CMTM8: variants seen among roughly 807,000 people sequenced by gnomAD.
CMTM8 encodes the protein CKLF like MARVEL transmembrane domain containing 8, also known as CKLF-like MARVEL transmembrane domain-containing protein 8.
Under a neutral mutation model 18.6 loss-of-function variants are expected in CMTM8, and 12 were observed. The observed-to-expected ratio is 0.65, with a 90% confidence interval of 0.41 to 1.05. CMTM8 has a LOEUF of 1.05. Among genes scored for constraint, CMTM8 ranks in the 50% least tolerant of loss-of-function variants. The pLI is 0.00. For synonymous variants in CMTM8, 87 were observed against 90.6 expected, an observed-to-expected ratio of 0.96 and a Z score of 0.23; for missense variants, 217 against 227.2, an observed-to-expected ratio of 0.95 and a Z score of 0.29.
At chr3:32,308,158 G>A (rs9847942) in intron 1 of CMTM8, among the ~76,000 whole-genome samples, 17,403 of 152,118 alleles carry the variant, frequency 0.11, 1,261 homozygotes, top group East Asian at 0.42. Context: ...CACCTCCTTC[G>A]CACTCTACCG....
chr3:32,272,450 G>T (rs143997216), intron 1 of CMTM8, among the ~76,000 whole-genome samples: 1 of 152,062 alleles, frequency 6.6e-6, no homozygotes, highest in Non-Finnish European at 1.5e-5. Context: ...CTAATTAAAT[G>T]TGTGTTAGAT....
intron 1 of CMTM8, among the ~76,000 whole-genome samples, chr3:32,313,641 C>G (rs1695865984): frequency 6.6e-6 from 1 of 152,106 alleles, no homozygotes; most frequent in South Asian, 2.1e-4. Context: ...GTTAAAAATG[C>G]AGACATCTGG....
intron 1 of CMTM8, among the ~76,000 whole-genome samples, chr3:32,276,074 T>C (rs1187509178): frequency 1.3e-5 from 2 of 152,110 alleles, no homozygotes; most frequent in Non-Finnish European, 2.9e-5. Flanking sequence ...CAGTGGTGGG[T>C]TGGTTTTAGA....
At position 32,320,443 on chromosome 3, in the gene CMTM8, T is replaced by A. The variant is rs548101838; in HGVS notation, c.148-36930T>A. On this transcript the variant is annotated intron_variant, in intron 1 of 3. Transcript: ENST00000307526. ...AGGATAGGCAAACCCATAGAGACCA[T>A]AGATGAGTGGTTACCTTGGCCTGAG... Among the ~76,000 whole-genome samples, 30 of 152,122 alleles carry A rather than the reference T, an allele frequency of 2.0e-4. No individual in the cohort carries two copies. In the South Asian group the frequency reaches 5.8e-3, roughly 29 times the overall value.
At chr3:32,286,050 G>A (rs768144791) in intron 1 of CMTM8, among the ~76,000 whole-genome samples, 6 of 152,132 alleles carry the variant, frequency 3.9e-5, no homozygotes, top group Non-Finnish European at 8.8e-5. Context: ...AAAGCTCAGG[G>A]CCTTCTGCAA....
At chr3:32,284,368 T>G (rs1702647501) in intron 1 of CMTM8, among the ~76,000 whole-genome samples, 1 of 152,006 alleles carries the variant, frequency 6.6e-6, no homozygotes, top group Non-Finnish European at 1.5e-5. Flanking sequence ...GTCTTGAGAG[T>G]TAAGTCGGGA....
intron 1 of CMTM8, among the ~76,000 whole-genome samples, chr3:32,333,562 G>C (rs539528223): frequency 6.8e-6 from 1 of 146,994 alleles, no homozygotes; most frequent in Non-Finnish European, 1.5e-5. Flanking sequence ...TCTAAAGACC[G>C]AACCATTTCG....
chr3:32,259,680 T>C lies in CMTM8; in HGVS notation c.147+20561T>C, dbSNP rs1702228662. ...CCCAAATCTCAGGACCTTGCCAAGATCATGGCAGACATCCAGGCCCAATAT... is the reference window on the plus strand; with the variant it reads ...CCCAAATCTCAGGACCTTGCCAAGACCATGGCAGACATCCAGGCCCAATAT... On this transcript the variant is annotated intron_variant, in intron 1 of 3. Coordinates refer to ENST00000307526, the MANE Select transcript of CMTM8 (RefSeq NM_178868.5). 6.5e-6 allele frequency: 8 copies of C among 1,221,926 alleles called. No individual in the cohort carries two copies. In the South Asian group the frequency reaches 8.4e-5, roughly 13 times the overall value. The allele number at this position is 1,221,926 out of a possible 1,614,324, so 75.7% of individuals were successfully genotyped here.
chr3:32,242,860 ATT>A (rs199567040), intron 1 of CMTM8, among the ~76,000 whole-genome samples: 20 of 145,010 alleles, frequency 1.4e-4, no homozygotes, highest in South Asian at 2.2e-4. Flanking sequence ...ACAAAATACA[ATT>A]TTTTTTTTTT....
At chr3:32,308,099 T>G (rs1009706671) in intron 1 of CMTM8, among the ~76,000 whole-genome samples, 21 of 152,216 alleles carry the variant, frequency 1.4e-4, no homozygotes, top group Non-Finnish European at 2.5e-4. Flanking sequence ...CCTTACCATT[T>G]AATTGTTATC....
chr3:32,342,314 C>T (rs544139405), intron 1 of CMTM8, among the ~76,000 whole-genome samples: 3 of 152,130 alleles, frequency 2.0e-5, no homozygotes, highest in Non-Finnish European at 4.4e-5. Flanking sequence ...AGGTAAGGTA[C>T]AAGAAGTGTT....
At chr3:32,342,432 G>A (rs559677167) in intron 1 of CMTM8, among the ~76,000 whole-genome samples, 2 of 152,330 alleles carry the variant, frequency 1.3e-5, no homozygotes, top group African/African-American at 4.8e-5. Context: ...CACACAGGTG[G>A]TAAGAATTCA....
intron 1 of CMTM8, among the ~76,000 whole-genome samples, chr3:32,328,303 G>A (rs1696201187): frequency 6.7e-6 from 1 of 148,358 alleles, no homozygotes; most frequent in African/African-American, 2.5e-5. Flanking sequence ...ATTGAACCCA[G>A]GAGGTGGAGT....
chr3:32,317,915 C>T (rs370953436), intron 1 of CMTM8, among the ~76,000 whole-genome samples: 1 of 151,910 alleles, frequency 6.6e-6, no homozygotes, highest in Admixed American at 6.6e-5. Flanking sequence ...ATTAGCCGGG[C>T]ATGGTTGTAG....
Position 32,319,074 on chromosome 3 carries a change from A to ATATTTTTTTT in CMTM8, c.148-38298_148-38297insATTTTTTTTT. 4.9e-3 allele frequency among the ~76,000 whole-genome samples: 155 copies of ATATTTTTTTT among 31,530 alleles called. 7 individuals are homozygous for ATATTTTTTTT. The highest frequency in any genetic ancestry group is 6.3e-3 in the Non-Finnish European group (124 of 19,620). The allele number at this position is 31,530 out of a possible 152,430, so 20.7% of individuals were successfully genotyped here. On this transcript the variant is annotated intron_variant, in intron 1 of 3. Transcript: ENST00000307526. ...TGTATATACATATATATATATATATATTTTTTTTTTTTTTTTTTTTTGAGA... is the reference window on the plus strand; with the variant it reads ...TGTATATACATATATATATATATATATATTTTTTTTTTTTTTTTTTTTTTTTTTTTTGAGA...
At chr3:32,248,197 G>C (rs1463538678) in intron 1 of CMTM8, among the ~76,000 whole-genome samples, 1 of 152,088 alleles carries the variant, frequency 6.6e-6, no homozygotes, top group South Asian at 2.1e-4. Context: ...TTCATATACT[G>C]CTAAAACAAA....
intron 1 of CMTM8, among the ~76,000 whole-genome samples, chr3:32,317,883 G>A (rs1453279612): frequency 7.9e-5 from 12 of 151,804 alleles, no homozygotes; most frequent in African/African-American, 2.7e-4. Context: ...GTGAAACCCC[G>A]TCTCTATTAA....
At chr3:32,335,275 C>T (rs1464464617) in intron 1 of CMTM8, among the ~76,000 whole-genome samples, 1 of 152,176 alleles carries the variant, frequency 6.6e-6, no homozygotes, top group East Asian at 1.9e-4. Context: ...GAGTATGAAG[C>T]CTTCCCGTAC....
At chr3:32,368,119 G>A (rs560403148) in intron 3 of CMTM8, 131 bp downstream of exon 3, 2 of 686,486 alleles carry the variant, frequency 2.9e-6, no homozygotes, top group South Asian at 3.6e-5. Context: ...TTGGCTTATT[G>A]ATTTGAAAAT....
Sources: allele counts gnomAD v4.1 joint callset (sites outside exome capture counted in the v4.1 genomes callset), GRCh38; gene constraint gnomAD v4.1.1; transcripts MANE v1.5; gene names NCBI Gene and HGNC (gene_info 2026-07-23, HGNC 2026-07-21).